Variants in DCUN1D5 observed in about 807,000 individuals in gnomAD.
DCUN1D5 encodes the protein DCN1-like protein 5.
Under a neutral mutation model 38.3 loss-of-function variants are expected in DCUN1D5, and 10 were observed. That is an observed-to-expected ratio of 0.26 (90% CI 0.16 to 0.44). The LOEUF is 0.44. DCUN1D5 is among the 20% of genes least tolerant of loss of function. DCUN1D5 has a pLI of 1.00. For missense variants in DCUN1D5, 148 were observed against 275.3 expected (o/e 0.54, Z 3.27); for synonymous variants, 93 against 90.9 (o/e 1.02, Z -0.13).
At chr11:103,072,853 C>A (rs1223244497) in intron 4 of DCUN1D5, among the ~76,000 whole-genome samples, 4 of 151,980 alleles carry the variant, frequency 2.6e-5, no homozygotes, top group Admixed American at 1.3e-4. Flanking sequence ...CACATGTATA[C>A]ATATGTAACA....
chr11:103,083,375 A>G lies in DCUN1D5; in HGVS notation c.179-49T>C. 9.6e-7 allele frequency: 1 copy of G among 1,047,104 alleles called. No homozygotes were observed. The highest frequency in any genetic ancestry group is 1.9e-5 in the Admixed American group (1 of 53,814). 64.9% of individuals were successfully genotyped at this position (1,047,104 alleles called of 1,614,324 possible). On this transcript the variant is annotated intron_variant, in intron 2 of 7. Transcript: ENST00000260247. This position sits in a 1 kb window ranked among gnomAD's most constrained non-coding sequence, Gnocchi z 4.4. ...ATATTTTGTTATAATATCAACATAA[A>G]ACATAAATCGTCATGCTAAAGGTAC...
At chr11:103,076,465 T>C (rs1324813846) in intron 4 of DCUN1D5, among the ~76,000 whole-genome samples, 1 of 152,232 alleles carries the variant, frequency 6.6e-6, no homozygotes, top group South Asian at 2.1e-4. Context: ...ATCTTACTTA[T>C]GTAATTTCAA....
Position 103,051,245 on chromosome 11 carries a change from G to T in DCUN1D5, c.*11114C>A, listed in dbSNP as rs1861721970. 6.6e-6 allele frequency: 1 copy of T among 151,948 alleles called. No individual in the cohort carries two copies. The highest frequency in any genetic ancestry group is 2.1e-4 in the South Asian group (1 of 4,816). 9.4% of individuals were successfully genotyped at this position (151,948 alleles called of 1,614,324 possible). ...AATTTAAAACAAATTACTGGTTAAG[G>T]AAAAAAATGACTCATTAGTAAGTAA... On this transcript the variant is annotated 3_prime_UTR_variant, in exon 8 of 8. Transcript: ENST00000260247.
rs759843936 is a variant in DCUN1D5 at position 103,070,817 on chromosome 11, G to A, written c.342-4250C>T. Among the ~76,000 whole-genome samples the A allele has an allele frequency of 3.3e-5, 5 of 151,876 alleles. No homozygotes were observed. The South Asian group carries it at 8.3e-4, about 25-fold the overall frequency. On this transcript the variant is annotated intron_variant, in intron 4 of 7. Transcript: ENST00000260247. ...AACATAAAACAAGACAGACCAATCC[G>A]GAGACATAAACCCCTTAACAGAGTA...
chr11:103,066,430 AAAC>A lies in DCUN1D5; in HGVS notation c.450+26_450+28del, dbSNP rs779904284. The stretch of plus-strand genomic sequence containing the variant: ...GTGGTCTCAAGATGAAAAGCTATTA[AAAC>A]AACAAAACAAGAAAATTGCACCTAC... On this transcript the variant is annotated intron_variant, in intron 5 of 7. Coordinates refer to ENST00000260247, the MANE Select transcript of DCUN1D5 (RefSeq NM_032299.4). This position sits in a 1 kb window ranked among gnomAD's most constrained non-coding sequence, Gnocchi z 4.7. 1.3e-4 allele frequency: 206 copies of A among 1,592,294 alleles called. 3 individuals carry two copies. In the African/African-American group the frequency reaches 2.6e-3, roughly 20 times the overall value.
At position 103,064,921 on chromosome 11, in the gene DCUN1D5, A is replaced by C. The variant is rs921424344; in HGVS notation, c.556-544T>G. Among the ~76,000 whole-genome samples, 4 of 152,196 alleles carry C rather than the reference A, an allele frequency of 2.6e-5. No homozygotes were observed. The highest frequency in any genetic ancestry group is 9.7e-5 in the African/African-American group (4 of 41,434). On this transcript the variant is annotated intron_variant, in intron 6 of 7. Coordinates refer to ENST00000260247, the MANE Select transcript of DCUN1D5 (RefSeq NM_032299.4). This position sits in a 1 kb window ranked among gnomAD's most constrained non-coding sequence, Gnocchi z 4.5. ...GAATTTAATTCAAAATGGTATTATA[A>C]AGATTTTTAAAAATATATGCCAAAC...
In DCUN1D5 at chr11:103,061,135, T is replaced by A. The variant is rs1318437361; in HGVS notation, c.*1224A>T. On this transcript the variant is annotated 3_prime_UTR_variant, in exon 8 of 8. Transcript: ENST00000260247. Reference sequence around the variant, plus strand: ...CTCTTAGGTAATCAATATGGAGAAATCATTCTTTAAACAAATTCACCACTG... The same window carrying A: ...CTCTTAGGTAATCAATATGGAGAAAACATTCTTTAAACAAATTCACCACTG... Among the ~76,000 whole-genome samples, 1 of 152,122 alleles carries A rather than the reference T, an allele frequency of 6.6e-6. No individual in the cohort carries two copies. The highest frequency in any genetic ancestry group is 2.4e-5 in the African/African-American group (1 of 41,440).
rs1591211545 is a variant in DCUN1D5 at position 103,071,346 on chromosome 11, T to C, written c.342-4779A>G. ...ATATCAGGAATGAAATGGGGTATTA[T>C]TACAGACCCACAGCTATCAAAAGCA... On this transcript the variant is annotated intron_variant, in intron 4 of 7. Coordinates refer to ENST00000260247, the MANE Select transcript of DCUN1D5 (RefSeq NM_032299.4). The surrounding 1 kb of genome is among the most constrained non-coding windows in gnomAD (Gnocchi z 4.1). Among the ~76,000 whole-genome samples the C allele has an allele frequency of 6.6e-6, 1 of 151,884 alleles. No homozygotes were observed. The highest frequency in any genetic ancestry group is 1.5e-5 in the Non-Finnish European group (1 of 67,906).
intron 1 of DCUN1D5, among the ~76,000 whole-genome samples, chr11:103,090,777 T>C (rs1320693572): frequency 6.6e-6 from 1 of 152,096 alleles, no homozygotes; most frequent in African/African-American, 2.4e-5. Flanking sequence ...CAGGGCGTGG[T>C]GGCGGGCGCC....
At chr11:103,070,706 A>G (rs1407697711) in intron 4 of DCUN1D5, among the ~76,000 whole-genome samples, 1 of 152,222 alleles carries the variant, frequency 6.6e-6, no homozygotes, top group African/African-American at 2.4e-5. Context: ...AGAATTTAAC[A>G]TCATCAACCA....
intron 4 of DCUN1D5, among the ~76,000 whole-genome samples, chr11:103,069,831 C>T (rs1046422687): frequency 4.6e-5 from 7 of 152,092 alleles, no homozygotes; most frequent in African/African-American, 1.7e-4. Flanking sequence ...ATTTCTCTTG[C>T]CAGAATAGCA....
chr11:103,063,459 C>T lies in DCUN1D5; in HGVS notation c.658+816G>A, dbSNP rs1227287507. Among the ~76,000 whole-genome samples the T allele has an allele frequency of 2.0e-5, 3 of 152,010 alleles. No individual in the cohort carries two copies. Among genetic ancestry groups the T allele is most frequent in the Non-Finnish European group, 4.4e-5 (3 of 67,950 alleles). On this transcript the variant is annotated intron_variant, in intron 7 of 7. Coordinates refer to ENST00000260247, the MANE Select transcript of DCUN1D5 (RefSeq NM_032299.4). The surrounding 1 kb of genome is among the most constrained non-coding windows in gnomAD (Gnocchi z 4.6). ...TTTAAAATAATACTAAATTTTATAC[C>T]ATCTTGTAGAGAGAGGACAAAATAT...
chr11:103,072,354 A>AAC (rs1862296630), intron 4 of DCUN1D5, among the ~76,000 whole-genome samples: 6 of 151,506 alleles, frequency 4.0e-5, no homozygotes, highest in Admixed American at 3.3e-4. Flanking sequence ...CTAGATCTAG[A>AAC]TCTAGATCTA....
Position 103,063,982 on chromosome 11 carries a change from G to A in DCUN1D5, c.658+293C>T, listed in dbSNP as rs1862076275. Among the ~76,000 whole-genome samples, 1 of 151,994 alleles carries A rather than the reference G, an allele frequency of 6.6e-6. No individual in the cohort carries two copies. The highest frequency in any genetic ancestry group is 6.6e-5 in the Admixed American group (1 of 15,262). On this transcript the variant is annotated intron_variant, in intron 7 of 7. Transcript: ENST00000260247. The surrounding 1 kb of genome is among the most constrained non-coding windows in gnomAD (Gnocchi z 4.6). The stretch of plus-strand genomic sequence containing the variant: ...ACTTTTCTTCCATAGGCAAATGCCA[G>A]GAAAGACAGAAACAAAGCTGAATTT...
chr11:103,071,163 G>C lies in DCUN1D5; in HGVS notation c.342-4596C>G, dbSNP rs1862262095. ...TACCTCTAGAACCCAGAAAAAGAAA[G>C]GCAAAATAAACAAACCAAACAGGAC... On this transcript the variant is annotated intron_variant, in intron 4 of 7. Transcript: ENST00000260247. The surrounding 1 kb of genome is among the most constrained non-coding windows in gnomAD (Gnocchi z 4.1). 6.6e-6 allele frequency among the ~76,000 whole-genome samples: 1 copy of C among 151,914 alleles called. No individual in the cohort carries two copies. Among genetic ancestry groups the C allele is most frequent in the South Asian group, 2.1e-4 (1 of 4,820 alleles).
intron 1 of DCUN1D5, among the ~76,000 whole-genome samples, chr11:103,090,112 AGAGT>A (rs1260682241): frequency 6.6e-6 from 1 of 152,192 alleles, no homozygotes; most frequent in Non-Finnish European, 1.5e-5. Flanking sequence ...GAGTAAAGTA[AGAGT>A]ATCATATTTA....
chr11:103,066,536 A>G lies in DCUN1D5; in HGVS notation c.373T>C (p.Phe125Leu), dbSNP rs150667945. 23 of 1,612,004 alleles carry G rather than the reference A, an allele frequency of 1.4e-5. No homozygotes were observed. The African/African-American group carries it at 2.9e-4, about 21-fold the overall frequency. ...CDCTEKLQNK[F>L]DFLRSQLNDI... ...TTCAACTGTGAGCGCAAAAAGTCAA[A>G]TTTGTTTTGTAACTTTTCTGTGCAG... The change falls in exon 5 of 8, where the codon TTT becomes CTT. Residue 125 changes from phenylalanine to leucine, a missense_variant. By Grantham distance (22) the Phe-to-Leu change is conservative. Transcript: ENST00000260247. The surrounding 1 kb of genome is among the most constrained non-coding windows in gnomAD (Gnocchi z 4.7).
Position 103,078,247 on chromosome 11 carries a change from T to C in DCUN1D5, c.341+4501A>G, listed in dbSNP as rs17300329. Among the ~76,000 whole-genome samples the C allele has an allele frequency of 0.089, 13,586 of 152,184 alleles. 788 individuals carry two copies. The highest frequency in any genetic ancestry group is 0.12 in the Non-Finnish European group (8,166 of 67,994). ...GTCTATATTCAGTTTTCTCCACTGG[T>C]ATAGTATTTCACCCTTGCTCCAACA... is the stretch of plus-strand genomic sequence containing the variant. On this transcript the variant is annotated intron_variant, in intron 4 of 7. Coordinates refer to ENST00000260247, the MANE Select transcript of DCUN1D5 (RefSeq NM_032299.4). The surrounding 1 kb of genome is among the most constrained non-coding windows in gnomAD (Gnocchi z 4.6).
chr11:103,052,980 T>G lies in DCUN1D5; in HGVS notation c.*9379A>C, dbSNP rs1176057911. The G allele has an allele frequency of 6.6e-6, 1 of 152,112 alleles. No individual in the cohort carries two copies. Among genetic ancestry groups the G allele is most frequent in the East Asian group, 1.9e-4 (1 of 5,196 alleles). 9.4% of individuals were successfully genotyped at this position (152,112 alleles called of 1,614,324 possible). ...CTAGCAGCGAGGAAGACAGGGAGCT[T>G]CCCACTTAACCAGAGTATTTTAGCT... On this transcript the variant is annotated 3_prime_UTR_variant, in exon 8 of 8. Coordinates refer to ENST00000260247, the MANE Select transcript of DCUN1D5 (RefSeq NM_032299.4).
Sources: gnomAD v4.1 joint callset for allele counts (sites outside exome capture counted in the v4.1 genomes callset) on GRCh38, gnomAD v4.1.1 for gene constraint, Gnocchi (gnomAD v3.1) non-coding constraint, MANE v1.5 for transcripts, NCBI Gene and HGNC (gene_info 2026-07-23, HGNC 2026-07-21) for gene names.